The following SHB variants were observed in gnomAD, a reference collection of about 807,000 sequenced individuals.
The protein encoded by SHB is SH2 domain-containing adapter protein B.
A neutral mutation model predicts 52.3 loss-of-function variants in SHB; 20 were observed. That is an observed-to-expected ratio of 0.38 (90% CI 0.27 to 0.56). The LOEUF is 0.56. SHB is among the 20% of genes least tolerant of loss of function. The probability of loss-of-function intolerance (pLI) is 0.71; values close to 1 mark genes in which losing one functional copy is unlikely to be tolerated. For missense variants in SHB, 825 were observed against 723.3 expected, an observed-to-expected ratio of 1.14 and a Z score of -1.61; for synonymous variants, 397 against 316.5, an observed-to-expected ratio of 1.25 and a Z score of -2.70.
At chr9:37,991,117 C>T (rs1820875002) in intron 2 of SHB, among the ~76,000 whole-genome samples, 1 of 152,162 alleles carries the variant, frequency 6.6e-6, no homozygotes, top group African/African-American at 2.4e-5. Flanking sequence ...CATGAAGACT[C>T]TCCTGTTTGA....
At chr9:37,958,946 G>A (rs1832665094) in intron 3 of SHB, among the ~76,000 whole-genome samples, 1 of 152,226 alleles carries the variant, frequency 6.6e-6, no homozygotes, top group African/African-American at 2.4e-5. Context: ...ACCTTGGGCA[G>A]GGGAGAGCAC....
chr9:38,045,754 GTTT>G (rs1169545261), intron 1 of SHB, among the ~76,000 whole-genome samples: 2 of 152,210 alleles, frequency 1.3e-5, no homozygotes, highest in African/African-American at 4.8e-5. Context: ...AAAGACGTAT[GTTT>G]TTTGACATGA....
chr9:37,980,401 T>C (rs750960084), intron 2 of SHB, among the ~76,000 whole-genome samples: 6 of 152,260 alleles, frequency 3.9e-5, no homozygotes, highest in Admixed American at 3.9e-4. Flanking sequence ...AACTCTTTAT[T>C]TGTTCAAGTT....
At chr9:38,062,538 T>C (rs1821908307) in intron 1 of SHB, among the ~76,000 whole-genome samples, 1 of 152,160 alleles carries the variant, frequency 6.6e-6, no homozygotes, top group South Asian at 2.1e-4. Context: ...TGCCGTCATA[T>C]GAACATGTGC....
intron 2 of SHB, among the ~76,000 whole-genome samples, chr9:37,997,619 G>A (rs1820962434): frequency 6.6e-6 from 1 of 152,134 alleles, no homozygotes; most frequent in Admixed American, 6.5e-5. Flanking sequence ...GGCACAGGAG[G>A]GTACAAAATG....
chr9:38,014,141 C>A (rs534696799), intron 2 of SHB, among the ~76,000 whole-genome samples: 5 of 152,306 alleles, frequency 3.3e-5, no homozygotes, highest in Admixed American at 2.0e-4. Context: ...CGTCCTCAAG[C>A]AAGTCTCTGT....
At chr9:38,037,605 C>T (rs578021530) in intron 1 of SHB, among the ~76,000 whole-genome samples, 1 of 152,280 alleles carries the variant, frequency 6.6e-6, no homozygotes, top group African/African-American at 2.4e-5. Context: ...GGGATAGTAA[C>T]AGAACCCACC....
intron 4 of SHB, 102 bp downstream of exon 4, chr9:37,955,781 C>G: frequency 8.5e-7 from 1 of 1,182,050 alleles, no homozygotes; most frequent in East Asian, 2.5e-5. Flanking sequence ...AGCCACCACG[C>G]CCGGCCCAGT....
At chr9:38,007,813 G>A (rs1821090935) in intron 2 of SHB, among the ~76,000 whole-genome samples, 1 of 152,114 alleles carries the variant, frequency 6.6e-6, no homozygotes, top group Non-Finnish European at 1.5e-5. Context: ...ATAATGACAA[G>A]TGTTAAGGAA....
chr9:38,068,198 C>A lies in SHB; in HGVS notation c.448G>T (p.Ala150Ser), dbSNP rs917017958. The A allele has an allele frequency of 7.1e-7, 1 of 1,402,478 alleles. No homozygotes were observed. Among genetic ancestry groups the A allele is most frequent in the Non-Finnish European group, 9.2e-7 (1 of 1,091,564 alleles). 86.9% of individuals were successfully genotyped at this position (1,402,478 alleles called of 1,614,324 possible). A position where few individuals can be genotyped will look rare whatever the true frequency, so the allele number is the denominator to read the frequency against. ...GAGCCGGAGGACGAGGACGAGGACG[C>A]GGCGGCCCCCGCGCCCGAGGAGGCG... ...CCASSGAGAA[A>S]SSSSSSGSPH... is the part of the protein sequence containing the mutation. Residue 150 changes from alanine (A) to serine (S), a missense_variant, in exon 1 of 6, where the codon GCG (alanine) becomes TCG (serine). Ala to Ser is a moderately conservative substitution (Grantham distance 99, BLOSUM62 1). Coordinates refer to ENST00000377707, the MANE Select transcript of SHB (RefSeq NM_003028.3).
intron 5 of SHB, among the ~76,000 whole-genome samples, chr9:37,937,465 AG>A (rs936821484): frequency 2.0e-5 from 3 of 151,422 alleles, no homozygotes; most frequent in African/African-American, 7.3e-5. Flanking sequence ...TAAAAAGATA[AG>A]AAAAAAAAAA....
At chr9:38,016,476 G>A (rs941674060) in intron 1 of SHB, among the ~76,000 whole-genome samples, 10 of 152,198 alleles carry the variant, frequency 6.6e-5, no homozygotes, top group African/African-American at 1.9e-4. Flanking sequence ...TGAGTTGCTC[G>A]GTTTAATGGA....
In SHB at chr9:37,956,130, G is replaced by A. The variant is rs1010702678; in HGVS notation, c.1055-76C>T. ...CTACTGTGAGGCACAGAAGGGTAAC[G>A]TTCAGCTGGTCTAGTTGGCAATTTA... On this transcript the variant is annotated intron_variant, in intron 3 of 5. Transcript: ENST00000377707. 36 of 1,322,190 alleles carry A rather than the reference G, an allele frequency of 2.7e-5. No individual in the cohort carries two copies. In the East Asian group the frequency reaches 4.9e-4, roughly 18 times the overall value. 81.9% of individuals were successfully genotyped at this position (1,322,190 alleles called of 1,614,324 possible).
chr9:37,979,410 T>C (rs954590990), intron 2 of SHB, among the ~76,000 whole-genome samples: 12 of 152,124 alleles, frequency 7.9e-5, no homozygotes, highest in African/African-American at 2.4e-4. Flanking sequence ...AGAATTTGCC[T>C]GGGCCCATTC....
chr9:37,945,452 C>T (rs1026357018), intron 5 of SHB, among the ~76,000 whole-genome samples: 1 of 152,190 alleles, frequency 6.6e-6, no homozygotes, highest in African/African-American at 2.4e-5. Context: ...AAGTTCATCT[C>T]CCCTGAGTGG....
At chr9:37,954,873 G>A (rs1204577199) in intron 4 of SHB, among the ~76,000 whole-genome samples, 1 of 152,108 alleles carries the variant, frequency 6.6e-6, no homozygotes, top group African/African-American at 2.4e-5. Context: ...GGCAGAGCAG[G>A]GAGATGATAA....
At chr9:38,050,447 A>C (rs1353709708) in intron 1 of SHB, among the ~76,000 whole-genome samples, 1 of 152,170 alleles carries the variant, frequency 6.6e-6, no homozygotes, top group African/African-American at 2.4e-5. Flanking sequence ...ATATATGGAT[A>C]TTTTAAGGCA....
chr9:38,009,966 GA>G (rs1697041511), intron 2 of SHB, among the ~76,000 whole-genome samples: 1 of 152,254 alleles, frequency 6.6e-6, no homozygotes, highest in Admixed American at 6.5e-5. Context: ...CATCCTGTGA[GA>G]TGACACTTTG....
At chr9:38,003,340 C>A (rs559653004) in intron 2 of SHB, among the ~76,000 whole-genome samples, 2 of 152,000 alleles carry the variant, frequency 1.3e-5, no homozygotes, top group African/African-American at 4.8e-5. Context: ...ACCCTTGAAC[C>A]CTGGGGCTAG....
Sources: allele counts gnomAD v4.1 joint callset (sites outside exome capture counted in the v4.1 genomes callset), GRCh38; gene constraint gnomAD v4.1.1; transcripts MANE v1.5; gene names NCBI Gene and HGNC (gene_info 2026-07-23, HGNC 2026-07-21).